Variants in CHCHD6 observed in about 807,000 individuals in gnomAD.
CHCHD6 encodes the protein MICOS complex subunit MIC25.
Under a neutral mutation model 32.3 loss-of-function variants are expected in CHCHD6, and 28 were observed. The observed-to-expected ratio is 0.87, with a 90% CI of 0.64 to 1.19. The LOEUF is 1.19. Among genes scored for constraint, CHCHD6 ranks in the 50% most tolerant of loss-of-function variants. CHCHD6 has a pLI of 0.00. For synonymous variants in CHCHD6, 122 were observed against 117.5 expected, an observed-to-expected ratio of 1.04 and a Z score of -0.25; for missense variants, 333 against 307.0, an observed-to-expected ratio of 1.08 and a Z score of -0.63.
chr3:126,732,977 C>A, intron 3 of CHCHD6, 101 bp from the exon 4 acceptor site: 1 of 1,345,578 alleles, frequency 7.4e-7, no homozygotes, highest in African/African-American at 1.4e-5. Flanking sequence ...CTGGTTTCAG[C>A]ATTTCCCTGG....
chr3:126,768,281 G>A (rs901535334), intron 4 of CHCHD6, among the ~76,000 whole-genome samples: 8 of 151,896 alleles, frequency 5.3e-5, no homozygotes, highest in African/African-American at 1.5e-4. Context: ...TCTCTCTCTC[G>A]CTCCTGCTTC....
intron 4 of CHCHD6, among the ~76,000 whole-genome samples, chr3:126,772,070 C>T (rs1285985005): frequency 6.6e-6 from 1 of 152,104 alleles, no homozygotes. Flanking sequence ...GAAATCTACA[C>T]CTACTATTAT....
At chr3:126,858,261 G>A (rs1348662808) in intron 5 of CHCHD6, among the ~76,000 whole-genome samples, 1 of 150,284 alleles carries the variant, frequency 6.7e-6, no homozygotes. Context: ...TTACCCTTTG[G>A]GGGCAGCAGT....
At chr3:126,835,324 G>A (rs553129668) in intron 4 of CHCHD6, among the ~76,000 whole-genome samples, 4 of 151,784 alleles carry the variant, frequency 2.6e-5, no homozygotes, top group Non-Finnish European at 4.4e-5. Flanking sequence ...CCTGCCTGAC[G>A]TCGTTACGGG....
chr3:126,940,340 A>G lies in CHCHD6; in HGVS notation c.567-17076A>G, dbSNP rs1357537149. 3.3e-5 allele frequency among the ~76,000 whole-genome samples: 5 copies of G among 152,192 alleles called. No individual in the cohort carries two copies. The East Asian group carries it at 9.6e-4, about 29-fold the overall frequency. ...GTGTGTGCTATTTTCCCTCATCTAT[A>G]TGCTGTGCACAATATTTGTATATCA... On this transcript the variant is annotated intron_variant, in intron 6 of 7. Transcript: ENST00000290913.
chr3:126,849,922 A>C (rs1053943363), intron 4 of CHCHD6, among the ~76,000 whole-genome samples: 17 of 152,198 alleles, frequency 1.1e-4, no homozygotes, highest in African/African-American at 2.7e-4. Context: ...GTGGCCTCTC[A>C]TGAGTGCTAG....
At chr3:126,765,332 G>A (rs989833478) in intron 4 of CHCHD6, among the ~76,000 whole-genome samples, 1 of 141,570 alleles carries the variant, frequency 7.1e-6, no homozygotes, top group African/African-American at 2.4e-5. Flanking sequence ...GGTGAGAGGA[G>A]GGTTCCAGGA....
At chr3:126,770,416 A>G (rs1456498766) in intron 4 of CHCHD6, among the ~76,000 whole-genome samples, 1 of 152,222 alleles carries the variant, frequency 6.6e-6, no homozygotes, top group East Asian at 1.9e-4. Flanking sequence ...CCAGTTTTCA[A>G]GGGGAATGCT....
Position 126,957,544 on chromosome 3 carries a change from C to T in CHCHD6, c.695C>T (p.Ala232Val). 1 of 1,567,686 alleles carries T rather than the reference C, an allele frequency of 6.4e-7. No homozygotes were observed. Among genetic ancestry groups the T allele is most frequent in the Admixed American group, 1.9e-5 (1 of 53,288 alleles). ...GCATACCAGCGCTGCGTGAGCGCCG[C>T]CCACAAGGTAAGGCCTTGCCTGCCT... ...VKAYQRCVSA[A>V]HKG Residue 232 changes from alanine to valine, a missense_variant, in exon 7 of 8, where the codon GCC (alanine) becomes GTC (valine). Physicochemically the swap from Ala to Val is moderately conservative, Grantham distance 64. Coordinates refer to ENST00000290913, the MANE Select transcript of CHCHD6 (RefSeq NM_032343.3).
intron 4 of CHCHD6, among the ~76,000 whole-genome samples, chr3:126,738,630 G>T (rs180871615): frequency 6.6e-6 from 1 of 152,074 alleles, no homozygotes; most frequent in Non-Finnish European, 1.5e-5. Flanking sequence ...AGTGGGTGAG[G>T]GTTTGGATGT....
At chr3:126,843,182 T>C (rs1941169244) in intron 4 of CHCHD6, among the ~76,000 whole-genome samples, 1 of 152,202 alleles carries the variant, frequency 6.6e-6, no homozygotes, top group Admixed American at 6.5e-5. Context: ...AAAATGATCG[T>C]ATGATTGTCT....
intron 5 of CHCHD6, among the ~76,000 whole-genome samples, chr3:126,864,261 CCCTCCTCCATCACCACCT>C (rs1942142363): frequency 1.5e-5 from 2 of 129,296 alleles, no homozygotes; most frequent in Admixed American, 7.5e-5. Flanking sequence ...CACCATCTCC[CCCTCCTCCATCACCACCT>C]CCTCCTCCAT....
At chr3:126,880,699 A>G (rs1020163742) in intron 5 of CHCHD6, among the ~76,000 whole-genome samples, 1 of 152,186 alleles carries the variant, frequency 6.6e-6, no homozygotes, top group Non-Finnish European at 1.5e-5. Context: ...TAAAAGGGAA[A>G]ATTTAAAAGC....
chr3:126,830,027 G>A (rs926680600), intron 4 of CHCHD6, among the ~76,000 whole-genome samples: 8 of 152,168 alleles, frequency 5.3e-5, no homozygotes, highest in Admixed American at 3.9e-4. Flanking sequence ...GAACTCAGGA[G>A]GCAGAGGTTG....
chr3:126,955,359 C>T (rs903229163), intron 6 of CHCHD6, among the ~76,000 whole-genome samples: 3 of 152,196 alleles, frequency 2.0e-5, no homozygotes, highest in Non-Finnish European at 4.4e-5. Flanking sequence ...TATGTAAGAA[C>T]GAGAAGTCAA....
chr3:126,880,714 C>T (rs910860273), intron 5 of CHCHD6, among the ~76,000 whole-genome samples: 1 of 152,024 alleles, frequency 6.6e-6, no homozygotes, highest in African/African-American at 2.4e-5. Flanking sequence ...AAAAGCCCAG[C>T]AAGAGGCATG....
intron 5 of CHCHD6, among the ~76,000 whole-genome samples, chr3:126,863,982 C>A (rs1485739438): frequency 7.3e-5 from 11 of 150,540 alleles, no homozygotes; most frequent in African/African-American, 2.7e-4. Context: ...CCTCCTCCTC[C>A]TCCACCATCA....
intron 5 of CHCHD6, among the ~76,000 whole-genome samples, chr3:126,853,214 T>C (rs1372047828): frequency 6.6e-6 from 1 of 151,266 alleles, no homozygotes; most frequent in African/African-American, 2.4e-5. Flanking sequence ...AGGATAAGCC[T>C]TTGAAATGAA....
chr3:126,863,277 C>T (rs1942029665), intron 5 of CHCHD6, among the ~76,000 whole-genome samples: 1 of 146,366 alleles, frequency 6.8e-6, no homozygotes, highest in Admixed American at 6.7e-5. Context: ...CAACCGCCTC[C>T]TCCACCATCA....
Sources: allele counts gnomAD v4.1 joint callset (sites outside exome capture counted in the v4.1 genomes callset), GRCh38; gene constraint gnomAD v4.1.1; transcripts MANE v1.5; gene names NCBI Gene and HGNC (gene_info 2026-07-23, HGNC 2026-07-21).